Variants in ATP7A observed in about 807,000 individuals in gnomAD.
ATP7A encodes copper-transporting ATPase 1.
ATP7A carries 7 observed loss-of-function variants against 83.5 expected under a neutral mutation model. The observed-to-expected ratio is 0.08, with a 90% confidence interval of 0.05 to 0.16. ATP7A has a LOEUF of 0.16. Ranked by LOEUF, ATP7A falls within the 10% of genes least tolerant of loss-of-function variation. ATP7A has a pLI of 1.00. For synonymous variants in ATP7A, 354 were observed against 395.2 expected (o/e 0.90, Z 1.24); for missense variants, 940 against 1,120.8 (o/e 0.84, Z 2.30).
In ATP7A at chrX:78,031,520, G is replaced by A; in HGVS notation, c.3232G>A (p.Gly1078Arg). 1 of 1,211,190 alleles carries A rather than the reference G, an allele frequency of 8.3e-7. No individual in the cohort carries two copies. Among genetic ancestry groups the A allele is most frequent in the Non-Finnish European group, 1.1e-6 (1 of 895,064 alleles). ...ACACCATAAAATCTTGGCCATTGTG[G>A]GAACTGCTGAAAGTAACAGTGAACA... is the stretch of plus-strand genomic sequence containing the variant. ...ISHHKILAIV[G>R]TAESNSEHPL... is the part of the protein sequence containing the mutation. The change falls in exon 16 of 23, where the codon GGA (glycine) becomes AGA (arginine). Residue 1078 changes from glycine to arginine, a missense_variant. Gly to Arg is a moderately radical substitution (Grantham distance 125). Transcript: ENST00000341514.
chrX:78,017,896 C>T (rs1194083542), intron 12 of ATP7A, among the ~76,000 whole-genome samples: 2 of 106,066 alleles, frequency 1.9e-5, no homozygotes, highest in African/African-American at 3.4e-5. Flanking sequence ...CTGCCTCAGC[C>T]GCTGGAGTAG....
intron 14 of ATP7A, among the ~76,000 whole-genome samples, chrX:78,023,797 T>C (rs1423349587): frequency 8.9e-6 from 1 of 112,051 alleles, no homozygotes; most frequent in Admixed American, 9.5e-5. Flanking sequence ...AGCTCTTTCG[T>C]TTAATTAAAT....
At chrX:77,975,864 A>G (rs1000263961) in intron 2 of ATP7A, 1 of 112,138 alleles carries the variant, frequency 8.9e-6, no homozygotes, top group African/African-American at 3.2e-5. Context: ...ATGTCATTTT[A>G]GCTGAGTTGT....
In ATP7A at chrX:78,025,372, T is replaced by C. The variant is rs2077936102; in HGVS notation, c.2917-3878T>C. On this transcript the variant is annotated intron_variant, in intron 14 of 22. Coordinates refer to ENST00000341514, the MANE Select transcript of ATP7A (RefSeq NM_000052.7). ...CACACCGCCAAACGATTGTAATAGCTCTCTAGCAACGGATCCTAAGCAGAC... is the reference window on the plus strand; with the variant it reads ...CACACCGCCAAACGATTGTAATAGCCCTCTAGCAACGGATCCTAAGCAGAC... Among the ~76,000 whole-genome samples the C allele has an allele frequency of 5.4e-5, 6 of 112,127 alleles. No homozygotes were observed. The South Asian group carries it at 2.2e-3, about 41-fold the overall frequency.
At chrX:77,962,576 G>A (rs1557228170) in intron 1 of ATP7A, 1 of 332,062 alleles carries the variant, frequency 3.0e-6, no homozygotes, top group Non-Finnish European at 5.9e-6. Flanking sequence ...GAGGTGTTAT[G>A]AGTTTCTTCA....
intron 17 of ATP7A, among the ~76,000 whole-genome samples, chrX:78,034,415 T>TTTCCCATCTATA (rs1394177556): frequency 8.9e-6 from 1 of 111,772 alleles, no homozygotes; most frequent in Non-Finnish European, 1.9e-5. Context: ...GATTTTGTCC[T>TTTCCCATCTATA]TTCCCATCTA....
chrX:77,991,730 A>G (rs2077670613), intron 4 of ATP7A, among the ~76,000 whole-genome samples: 1 of 111,083 alleles, frequency 9.0e-6, no homozygotes, highest in South Asian at 3.8e-4. Flanking sequence ...AGATTTTTAA[A>G]TTAGAATCTG....
At chrX:77,912,167 G>T (rs2077164127) in intron 1 of ATP7A, among the ~76,000 whole-genome samples, 2 of 111,177 alleles carry the variant, frequency 1.8e-5, no homozygotes, top group South Asian at 7.4e-4. Context: ...TGTACTTGAG[G>T]ATCTCAATGT....
At chrX:77,998,860 T>TA (rs1257812659) in intron 5 of ATP7A, among the ~76,000 whole-genome samples, 176 bp downstream of exon 5, 1 of 111,355 alleles carries the variant, frequency 9.0e-6, no homozygotes, top group Non-Finnish European at 1.9e-5. Context: ...CTGCCTTAGA[T>TA]AAAGTTCCTC....
In ATP7A at chrX:78,046,610, C is replaced by G. The variant is rs148698322; in HGVS notation, c.*40C>G. ...TGCTGCCAGTTTAACTTGTCATGCA[C>G]TGACACAGCATTCATGATGTTACCT... is the stretch of plus-strand genomic sequence containing the variant. On this transcript the variant is annotated 3_prime_UTR_variant, in exon 23 of 23. Transcript: ENST00000341514. The G allele has an allele frequency of 2.0e-3, 2,417 of 1,191,730 alleles. 38 individuals are homozygous for G. In the African/African-American group the frequency reaches 0.039, roughly 19 times the overall value.
chrX:78,049,847 G>T lies in ATP7A; in HGVS notation c.*3277G>T, dbSNP rs1047910700. 8 of 111,435 alleles carry T rather than the reference G, an allele frequency of 7.2e-5. No individual in the cohort carries two copies. Among genetic ancestry groups the T allele is most frequent in the Non-Finnish European group, 1.5e-4 (8 of 52,897 alleles). 9.2% of individuals were successfully genotyped at this position (111,435 alleles called of 1,213,427 possible). A position where few individuals can be genotyped will look rare whatever the true frequency, so the allele number is the denominator to read the frequency against. On this transcript the variant is annotated 3_prime_UTR_variant, in exon 23 of 23. Transcript: ENST00000341514. ...TTACTTATGGATCATGCTTTAAAAT[G>T]ATTTTTCTTGATATTTATTTTACTC...
In ATP7A at chrX:77,968,473, A is replaced by G. The variant is rs782808962; in HGVS notation, c.-21-3148A>G. Among the ~76,000 whole-genome samples, 14 of 112,071 alleles carry G rather than the reference A, an allele frequency of 1.2e-4. 1 individual carries two copies. In the South Asian group the frequency reaches 5.2e-3, roughly 42 times the overall value. On this transcript the variant is annotated intron_variant, in intron 1 of 22. Transcript: ENST00000341514. The stretch of plus-strand genomic sequence containing the variant: ...AGCCCCCAGGCAGTGGCCTGACTGC[A>G]GAAGAGCAGAGGACAGACTCTGCTC...
chrX:77,914,546 C>T (rs186833126), intron 1 of ATP7A, among the ~76,000 whole-genome samples: 184 of 111,048 alleles, frequency 1.7e-3, no homozygotes, highest in Middle Eastern at 4.6e-3. Context: ...ATTACAGGTG[C>T]GCGCCACCAC....
chrX:77,986,751 C>G (rs1364569453), intron 2 of ATP7A, among the ~76,000 whole-genome samples: 1 of 111,763 alleles, frequency 8.9e-6, no homozygotes, highest in Non-Finnish European at 1.9e-5. Context: ...TTCAGACCCT[C>G]TATTGCACTA....
At chrX:77,943,034 C>T (rs374020041) in intron 1 of ATP7A, among the ~76,000 whole-genome samples, 37 of 110,743 alleles carry the variant, frequency 3.3e-4, no homozygotes, top group East Asian at 1.7e-3. Flanking sequence ...AGGCTGGTCT[C>T]GAACTCCTGA....
chrX:77,971,514 CTT>C (rs1264686649), intron 1 of ATP7A, 105 bp from the exon 2 acceptor site: 11 of 789,818 alleles, frequency 1.4e-5, no homozygotes, highest in African/African-American at 4.1e-5. Context: ...AAACATGACA[CTT>C]GAGCATATAT....
intron 1 of ATP7A, among the ~76,000 whole-genome samples, chrX:77,938,542 AG>A (rs1162025970): frequency 1.8e-5 from 2 of 112,607 alleles, no homozygotes; most frequent in African/African-American, 6.4e-5. Context: ...TGCTAGAACT[AG>A]ACATGTCTCA....
intron 16 of ATP7A, 26 bp downstream of exon 16, chrX:78,031,608 A>G (rs1415559451): frequency 8.5e-7 from 1 of 1,182,517 alleles, no homozygotes; most frequent in Admixed American, 2.2e-5. Context: ...CTTGTTTATT[A>G]GTGTAGTCAT....
chrX:78,002,402 C>T (rs1191436480), intron 5 of ATP7A, among the ~76,000 whole-genome samples: 1 of 110,615 alleles, frequency 9.0e-6, no homozygotes, highest in Non-Finnish European at 1.9e-5. Flanking sequence ...CTCTAGTACT[C>T]TGTCTTATTA....
Sources: gnomAD v4.1 joint callset for allele counts (sites outside exome capture counted in the v4.1 genomes callset) on GRCh38, gnomAD v4.1.1 for gene constraint, MANE v1.5 for transcripts, NCBI Gene and HGNC (gene_info 2026-07-23, HGNC 2026-07-21) for gene names.